The following PDCD10 variants were observed in gnomAD, a reference collection of about 807,000 sequenced individuals.
The protein encoded by PDCD10 is programmed cell death 10.
A neutral mutation model predicts 29.2 loss-of-function variants in PDCD10; 4 were observed. The ratio of observed to expected loss-of-function variants is 0.14; its 90% CI spans 0.07 to 0.31. The LOEUF (loss-of-function observed/expected upper bound fraction) is 0.31, where lower values mean the gene tolerates loss of function less well. Ranked by LOEUF, PDCD10 falls within the 10% of genes least tolerant of loss-of-function variation. The probability of loss-of-function intolerance (pLI) is 1.00; values close to 1 mark genes in which losing one functional copy is unlikely to be tolerated. For synonymous variants in PDCD10, 70 were observed against 82.2 expected, an observed-to-expected ratio of 0.85 and a Z score of 0.80; for missense variants, 183 against 257.9, an observed-to-expected ratio of 0.71 and a Z score of 1.99.
At chr3:167,688,511 T>C (rs1166600873) in intron 6 of PDCD10, among the ~76,000 whole-genome samples, 1 of 152,222 alleles carries the variant, frequency 6.6e-6, no homozygotes, top group African/African-American at 2.4e-5. Flanking sequence ...GTTCTTCCTA[T>C]CCATGCACCA....
chr3:167,710,104 G>T (rs916278562), intron 3 of PDCD10, among the ~76,000 whole-genome samples: 4 of 152,156 alleles, frequency 2.6e-5, no homozygotes, highest in East Asian at 1.9e-4. Flanking sequence ...TACACTGTAG[G>T]CCTTGGTTGA....
Position 167,697,086 on chromosome 3 carries a change from A to G in PDCD10, c.191T>C (p.Met64Thr), listed in dbSNP as rs1720894598. The G allele has an allele frequency of 1.9e-6, 3 of 1,610,568 alleles. No individual in the cohort carries two copies. The highest frequency in any genetic ancestry group is 2.7e-5 in the African/African-American group (2 of 74,876). The change falls in exon 5 of 9, where the codon ATG (methionine) becomes ACG (threonine). Residue 64 changes from methionine to threonine, a missense_variant. Coordinates refer to ENST00000392750, the MANE Select transcript of PDCD10 (RefSeq NM_007217.4). ...ENPGLTQDII[M>T]KILEKKSVEV... Reference sequence around the variant, plus strand: ...CACGCTTTTTTTCTCTAAAATTTTCATAATGATGTCTTGTGTGAGACCTGG... The same window carrying G: ...CACGCTTTTTTTCTCTAAAATTTTCGTAATGATGTCTTGTGTGAGACCTGG...
chr3:167,731,530 A>G (rs1466780630), intron 2 of PDCD10, among the ~76,000 whole-genome samples: 3 of 152,244 alleles, frequency 2.0e-5, no homozygotes, highest in Non-Finnish European at 4.4e-5. Flanking sequence ...CAGAAAGCAT[A>G]TCCGCTTTAT....
chr3:167,713,573 A>G (rs958901271), intron 3 of PDCD10, among the ~76,000 whole-genome samples: 2 of 151,968 alleles, frequency 1.3e-5, no homozygotes, highest in African/African-American at 4.8e-5. Context: ...GATCAGAGAT[A>G]AATGAAATTG....
chr3:167,732,316 C>T (rs1724902989), intron 2 of PDCD10, among the ~76,000 whole-genome samples: 1 of 152,204 alleles, frequency 6.6e-6, no homozygotes, highest in African/African-American at 2.4e-5. Flanking sequence ...ACAGACCTTA[C>T]ATCCTTAAGA....
chr3:167,726,918 C>T (rs1328068304), intron 2 of PDCD10, among the ~76,000 whole-genome samples: 1 of 152,124 alleles, frequency 6.6e-6, no homozygotes, highest in Non-Finnish European at 1.5e-5. Flanking sequence ...GTCATAAAGG[C>T]CACCTACATA....
At chr3:167,721,849 T>C (rs1723604892) in intron 2 of PDCD10, among the ~76,000 whole-genome samples, 1 of 152,168 alleles carries the variant, frequency 6.6e-6, no homozygotes, top group Non-Finnish European at 1.5e-5. Context: ...GTAGATGGCT[T>C]TGGTCACAGC....
intron 2 of PDCD10, among the ~76,000 whole-genome samples, chr3:167,727,080 T>A (rs1035101258): frequency 6.6e-6 from 1 of 152,202 alleles, no homozygotes; most frequent in African/African-American, 2.4e-5. Context: ...TGTACATAGA[T>A]AAACTTAACA....
At chr3:167,716,642 T>A (rs979257276) in intron 3 of PDCD10, among the ~76,000 whole-genome samples, 4 of 151,794 alleles carry the variant, frequency 2.6e-5, no homozygotes, top group African/African-American at 9.7e-5. Context: ...GTATTCCAGG[T>A]TTCATTTGCT....
intron 3 of PDCD10, among the ~76,000 whole-genome samples, chr3:167,718,811 G>A (rs1251757146): frequency 6.6e-6 from 1 of 151,616 alleles, no homozygotes; most frequent in African/African-American, 2.4e-5. Flanking sequence ...CAGAGCAGAA[G>A]ATAAGAACTT....
At position 167,720,202 on chromosome 3, in the gene PDCD10, G is replaced by T. The variant is rs1327710077; in HGVS notation, c.-45C>A. The T allele has an allele frequency of 1.6e-6, 2 of 1,230,134 alleles. No individual in the cohort carries two copies. The highest frequency in any genetic ancestry group is 1.2e-5 in the South Asian group (1 of 83,314). 76.2% of individuals were successfully genotyped at this position (1,230,134 alleles called of 1,614,324 possible). ...GAAAAAGCAGTGCTAAAATGCAGAGGAATCTTCATTCACTGCAATATTTCT... is the reference window on the plus strand; with the variant it reads ...GAAAAAGCAGTGCTAAAATGCAGAGTAATCTTCATTCACTGCAATATTTCT... On this transcript the variant is annotated 5_prime_UTR_variant, in exon 3 of 9. Transcript: ENST00000392750.
intron 3 of PDCD10, among the ~76,000 whole-genome samples, chr3:167,712,081 T>C (rs1009046711): frequency 1.3e-5 from 2 of 152,174 alleles, no homozygotes; most frequent in Non-Finnish European, 2.9e-5. Flanking sequence ...CAAAACTCAC[T>C]GGTAATAGTA....
At chr3:167,691,264 T>C (rs1018356569) in intron 6 of PDCD10, among the ~76,000 whole-genome samples, 9 of 152,212 alleles carry the variant, frequency 5.9e-5, no homozygotes, top group Non-Finnish European at 8.8e-5. Flanking sequence ...TGTGGTTGAA[T>C]TTTAGTCTCA....
rs142135283 is a variant in PDCD10 at position 167,732,108 on chromosome 3, G to A, written c.-117+2106C>T. 3.5e-3 allele frequency among the ~76,000 whole-genome samples: 526 copies of A among 152,266 alleles called. 1 individual carries two copies. Among genetic ancestry groups the A allele is most frequent in the Non-Finnish European group, 5.6e-3 (379 of 68,024 alleles). On this transcript the variant is annotated intron_variant, in intron 2 of 8. Transcript: ENST00000392750. The stretch of plus-strand genomic sequence containing the variant: ...AATAGTATTTGAATATTTAAGTCAC[G>A]TTAAGTCTTCTTCTCATGTAAATAA...
At position 167,720,253 on chromosome 3, in the gene PDCD10, G is replaced by T; in HGVS notation, c.-96C>A. 1 of 824,206 alleles carries T rather than the reference G, an allele frequency of 1.2e-6. No homozygotes were observed. The highest frequency in any genetic ancestry group is 2.1e-6 in the Non-Finnish European group (1 of 482,250). The allele number at this position is 824,206 out of a possible 1,614,324, so 51.1% of individuals were successfully genotyped here. On this transcript the variant is annotated 5_prime_UTR_variant, in exon 3 of 9. Transcript: ENST00000392750. ...TCTCTTTTTTGGTGATAAAAGAATTGGACACAAAAAACACACTGATCTGGT... is the reference window on the plus strand; with the variant it reads ...TCTCTTTTTTGGTGATAAAAGAATTTGACACAAAAAACACACTGATCTGGT...
At chr3:167,694,542 C>T (rs1175909485) in intron 6 of PDCD10, 1 of 154,714 alleles carries the variant, frequency 6.5e-6, no homozygotes, top group East Asian at 1.9e-4. Context: ...CTTCAATTTC[C>T]ACTACTGAAA....
intron 3 of PDCD10, among the ~76,000 whole-genome samples, chr3:167,707,932 T>A (rs547089693): frequency 6.6e-6 from 1 of 152,082 alleles, no homozygotes; most frequent in African/African-American, 2.4e-5. Flanking sequence ...TGTAACATAC[T>A]TCATCTCTCC....
rs1303948728 is a variant in PDCD10, at chr3:167,684,174, A to C, written c.*134T>G. ...TACAAAAATATGGTGTAAGATGGCAATAATCCCATTCAACATCCTGGATTA... is the reference window on the plus strand; with the variant it reads ...TACAAAAATATGGTGTAAGATGGCACTAATCCCATTCAACATCCTGGATTA... On this transcript the variant is annotated 3_prime_UTR_variant, in exon 9 of 9. Transcript: ENST00000392750. The C allele has an allele frequency of 7.6e-6, 5 of 657,676 alleles. No individual in the cohort carries two copies. Among genetic ancestry groups the C allele is most frequent in the African/African-American group, 5.4e-5 (3 of 55,832 alleles). The allele number at this position is 657,676 out of a possible 1,614,324, so 40.7% of individuals were successfully genotyped here. A position where few individuals can be genotyped will look rare whatever the true frequency, so the allele number is the denominator to read the frequency against.
intron 6 of PDCD10, among the ~76,000 whole-genome samples, chr3:167,691,334 G>C (rs1247681424): frequency 6.6e-6 from 1 of 152,120 alleles, no homozygotes; most frequent in Non-Finnish European, 1.5e-5. Flanking sequence ...AAATGGTTAG[G>C]AAGTAAATTT....
Sources: allele counts gnomAD v4.1 joint callset (sites outside exome capture counted in the v4.1 genomes callset), GRCh38; gene constraint gnomAD v4.1.1; transcripts MANE v1.5; gene names NCBI Gene and HGNC (gene_info 2026-07-23, HGNC 2026-07-21).